Variants in ZNF568 observed in about 807,000 individuals in gnomAD.
ZNF568 encodes the protein zinc finger protein 568, also known as p53 inhibitor of SCO2 activation.
A neutral mutation model predicts 18.1 loss-of-function variants in ZNF568; 11 were observed. The ratio of observed to expected loss-of-function variants is 0.61; its 90% CI spans 0.38 to 1.00. The LOEUF (loss-of-function observed/expected upper bound fraction) is 1.00, where lower values mean the gene tolerates loss of function less well. ZNF568 is among the 50% of genes least tolerant of loss of function. The pLI is 0.01. For synonymous variants in ZNF568, 213 were observed against 246.6 expected, an observed-to-expected ratio of 0.86 and a Z score of 1.28; for missense variants, 639 against 768.2, an observed-to-expected ratio of 0.83 and a Z score of 1.99.
intron 6 of ZNF568, among the ~76,000 whole-genome samples, chr19:36,938,738 G>A (rs1313793949): frequency 6.6e-6 from 1 of 152,142 alleles, no homozygotes; most frequent in Non-Finnish European, 1.5e-5. Context: ...AGATTCAAAT[G>A]TTGCTTGGAG....
At chr19:36,991,069 T>C in intron 2 of ZNF568, 4 of 1,251,974 alleles carry the variant, frequency 3.2e-6, no homozygotes, top group Middle Eastern at 2.0e-4. Context: ...ATGGCCTGTT[T>C]TCCTAATGGA....
At chr19:36,925,835 C>T (rs761464262) in intron 4 of ZNF568, among the ~76,000 whole-genome samples, 7 of 152,196 alleles carry the variant, frequency 4.6e-5, no homozygotes, top group East Asian at 1.9e-4. Context: ...TACGGGAGGA[C>T]GTACATTGGT....
At chr19:36,988,251 G>A (rs2074393593) in intron 2 of ZNF568, among the ~76,000 whole-genome samples, 1 of 152,098 alleles carries the variant, frequency 6.6e-6, no homozygotes, top group Non-Finnish European at 1.5e-5. Flanking sequence ...ATCACACTTG[G>A]CCTGAATGCT....
intron 3 of ZNF568, among the ~76,000 whole-genome samples, chr19:36,923,283 C>G (rs916938045): frequency 1.3e-5 from 2 of 152,128 alleles, no homozygotes; most frequent in African/African-American, 4.8e-5. Context: ...GGATTTAGCT[C>G]TCTTTCACTA....
chr19:36,951,074 C>A lies in ZNF568; in HGVS notation c.1921C>A (p.His641Asn). 1 of 1,537,448 alleles carries A rather than the reference C, an allele frequency of 6.5e-7. No homozygotes were observed. Among genetic ancestry groups the A allele is most frequent in the Non-Finnish European group, 8.7e-7 (1 of 1,146,538 alleles). The change falls in exon 7 of 7, where the codon CAC becomes AAC. Residue 641 changes from histidine to asparagine, a missense_variant. His to Asn is a moderately conservative substitution (Grantham distance 68, BLOSUM62 1). Transcript: ENST00000333987. ...IHKRGHTGER[H>N]QVY ...TAAGAGAGGTCATACAGGTGAGAGA[C>A]ACCAAGTATATTAAATGAAAGAAGG...
intron 2 of ZNF568, among the ~76,000 whole-genome samples, chr19:36,921,702 C>T (rs774686017): frequency 4.6e-5 from 7 of 151,968 alleles, no homozygotes; most frequent in Non-Finnish European, 8.8e-5. Flanking sequence ...ATAGTCATTT[C>T]GTATATTCAT....
intron 2 of ZNF568, among the ~76,000 whole-genome samples, chr19:36,986,726 G>T (rs897742152): frequency 6.6e-6 from 1 of 152,082 alleles, no homozygotes; most frequent in African/African-American, 2.4e-5. Flanking sequence ...ATGGGGATTT[G>T]ATTCGTATTT....
intron 6 of ZNF568, among the ~76,000 whole-genome samples, chr19:36,969,223 T>A (rs1216341823): frequency 1.3e-5 from 2 of 152,030 alleles, no homozygotes; most frequent in African/African-American, 4.8e-5. Flanking sequence ...AATAAACAAC[T>A]GAAGTAAATG....
chr19:36,927,356 T>C (rs556760924), intron 4 of ZNF568, among the ~76,000 whole-genome samples: 16 of 152,124 alleles, frequency 1.1e-4, no homozygotes, highest in Non-Finnish European at 1.0e-4. Flanking sequence ...CCAACTGGAT[T>C]ATAATATTGT....
chr19:36,963,638 G>GT (rs1052719998), intron 6 of ZNF568, among the ~76,000 whole-genome samples: 11 of 152,190 alleles, frequency 7.2e-5, no homozygotes, highest in African/African-American at 2.2e-4. Context: ...TTTCAGAGTT[G>GT]TTTTTTAACA....
intron 4 of ZNF568, among the ~76,000 whole-genome samples, chr19:36,931,831 A>G (rs1351034367): frequency 6.6e-6 from 1 of 152,226 alleles, no homozygotes; most frequent in African/African-American, 2.4e-5. Context: ...ACCATAATCA[A>G]TGTTAGAACA....
chr19:36,934,191 T>G (rs888669618), intron 4 of ZNF568, among the ~76,000 whole-genome samples: 1 of 151,894 alleles, frequency 6.6e-6, no homozygotes, highest in African/African-American at 2.4e-5. Context: ...ATTTTTAGTT[T>G]TATTGATTCT....
chr19:36,977,496 T>G (rs2074295872), intron 7 of ZNF568, among the ~76,000 whole-genome samples: 2 of 152,246 alleles, frequency 1.3e-5, no homozygotes, highest in Admixed American at 1.3e-4. Context: ...CAAGAATTAC[T>G]TTCACTCTAA....
chr19:36,988,385 A>C (rs969921356), intron 2 of ZNF568, among the ~76,000 whole-genome samples: 2 of 152,226 alleles, frequency 1.3e-5, no homozygotes, highest in African/African-American at 4.8e-5. Context: ...CTCCAGCTCC[A>C]CAGGCTGTTC....
chr19:36,925,616 G>A (rs1367405254), intron 4 of ZNF568, among the ~76,000 whole-genome samples: 1 of 151,906 alleles, frequency 6.6e-6, no homozygotes, highest in Non-Finnish European at 1.5e-5. Flanking sequence ...CTAAAATATA[G>A]TTGGACTTCT....
intron 2 of ZNF568, among the ~76,000 whole-genome samples, chr19:36,921,887 G>GT (rs2146266428): frequency 6.6e-6 from 1 of 152,224 alleles, no homozygotes; most frequent in Non-Finnish European, 1.5e-5. Context: ...AAATCTGGGT[G>GT]TTTTTTGACT....
rs758763143 is a variant in ZNF568, at chr19:36,950,575, T to G, written c.1422T>G (p.Tyr474Ter). Residue 474 changes from tyrosine (Y) to a stop codon, truncating the protein, a stop_gained, in exon 7 of 7, where the codon TAT (tyrosine) becomes TAG (stop). Transcript: ENST00000333987. LOFTEE classifies it low-confidence loss of function (END_TRUNC). ...AAATTCACACTGGAGAGAAACCTTATGAATGCAGTGAATGTGGGAAAGCTT... is the reference window on the plus strand; with the variant it reads ...AAATTCACACTGGAGAGAAACCTTAGGAATGCAGTGAATGTGGGAAAGCTT... ...HQKIHTGEKP[Y>*]ECSECGKAFI... 3.7e-6 allele frequency: 6 copies of G among 1,613,688 alleles called. No homozygotes were observed. Among genetic ancestry groups the G allele is most frequent in the Non-Finnish European group, 4.2e-6 (5 of 1,179,794 alleles).
chr19:36,949,037 T>G (rs1198784739), intron 6 of ZNF568, among the ~76,000 whole-genome samples: 1 of 152,166 alleles, frequency 6.6e-6, no homozygotes, highest in Non-Finnish European at 1.5e-5. Context: ...CTTGTTCATC[T>G]TTTTTTACAC....
intron 6 of ZNF568, among the ~76,000 whole-genome samples, chr19:36,941,095 T>C (rs2073872197): frequency 6.6e-6 from 1 of 152,184 alleles, no homozygotes; most frequent in African/African-American, 2.4e-5. Flanking sequence ...AGCTATAGTT[T>C]TGCCCTGTGC....
Sources: gnomAD v4.1 joint callset for allele counts (sites outside exome capture counted in the v4.1 genomes callset) on GRCh38, gnomAD v4.1.1 for gene constraint, MANE v1.5 for transcripts, NCBI Gene and HGNC (gene_info 2026-07-23, HGNC 2026-07-21) for gene names.